GSN: variants seen among roughly 807,000 people sequenced by gnomAD.
GSN encodes the protein actin-depolymerizing factor.
GSN carries 56 observed loss-of-function variants against 85.7 expected under a neutral mutation model. The observed-to-expected ratio is 0.65, with a 90% confidence interval of 0.53 to 0.82. GSN has a LOEUF of 0.82. Ranked by LOEUF, GSN falls within the 40% of genes least tolerant of loss-of-function variation. The pLI, the probability that GSN is intolerant of heterozygous loss-of-function variation, is 0.00. For missense variants in GSN, 857 were observed against 979.8 expected, an observed-to-expected ratio of 0.87 and a Z score of 1.67; for synonymous variants, 373 against 399.1, an observed-to-expected ratio of 0.93 and a Z score of 0.78.
chr9:121,223,620 A>G (rs1371392258), intron 4 of GSN, among the ~76,000 whole-genome samples: 1 of 152,146 alleles, frequency 6.6e-6, no homozygotes, highest in African/African-American at 2.4e-5. Context: ...GTCACTTTTT[A>G]TAAGTATTAT....
intron 6 of GSN, among the ~76,000 whole-genome samples, chr9:121,255,629 T>C (rs1180891436): frequency 6.6e-6 from 1 of 152,242 alleles, no homozygotes; most frequent in Non-Finnish European, 1.5e-5. Context: ...TGCCCCCATT[T>C]TACTACATAA....
chr9:121,209,277 C>G (rs962631065), intron 1 of GSN: 1 of 152,198 alleles, frequency 6.6e-6, no homozygotes, highest in Admixed American at 6.5e-5. Context: ...CTCAAATGTA[C>G]AATCCTTCAT....
Position 121,312,435 on chromosome 9 carries a change from C to T in GSN, c.610C>T (p.Arg204Trp), listed in dbSNP as rs763444610. Residue 204 changes from arginine to tryptophan, a missense_variant, in exon 6 of 18, where the codon CGG becomes TGG. Coordinates refer to ENST00000432226, the MANE Select transcript of GSN (RefSeq NM_198252.3). ...KGIRDNERSG[R>W]ARVHVSEEGT... Reference sequence around the variant, plus strand: ...CATCCGGGACAACGAGCGGAGTGGCCGGGCCCGAGTGCACGTGTCTGAGGA... The same window carrying T: ...CATCCGGGACAACGAGCGGAGTGGCTGGGCCCGAGTGCACGTGTCTGAGGA... 3.7e-5 allele frequency: 59 copies of T among 1,613,916 alleles called. 1 individual carries two copies. In the East Asian group the frequency reaches 4.5e-4, roughly 12 times the overall value.
chr9:121,320,660 A>G (rs1309920772), intron 10 of GSN, among the ~76,000 whole-genome samples: 1 of 151,968 alleles, frequency 6.6e-6, no homozygotes, highest in Non-Finnish European at 1.5e-5. Context: ...AACAAAAAAA[A>G]AAAAAAGAAA....
chr9:121,298,243 A>C (rs1424132902), intron 2 of GSN, among the ~76,000 whole-genome samples: 1 of 152,082 alleles, frequency 6.6e-6, no homozygotes, highest in Non-Finnish European at 1.5e-5. Flanking sequence ...GGATATGGTT[A>C]TGTTTGCCTG....
intron 12 of GSN, among the ~76,000 whole-genome samples, chr9:121,325,806 G>C (rs548315355): frequency 1.7e-3 from 260 of 152,204 alleles, no homozygotes; most frequent in Non-Finnish European, 2.8e-3. Flanking sequence ...ATCCTTGGCT[G>C]CATTTTTCAG....
chr9:121,302,760 A>G lies in GSN; in HGVS notation c.197-151A>G. On this transcript the variant is annotated intron_variant, in intron 3 of 17. Coordinates refer to ENST00000432226, the MANE Select transcript of GSN (RefSeq NM_198252.3). The stretch of plus-strand genomic sequence containing the variant: ...TGAGGTCCATCGTCCTGTTATACAG[A>G]TGGATTAACTGAGGCTCACAGAAGG... The G allele has an allele frequency of 4.0e-6, 3 of 748,708 alleles. 1 individual carries two copies. The highest frequency in any genetic ancestry group is 2.9e-5 in the South Asian group (2 of 68,016). The allele number at this position is 748,708 out of a possible 1,614,324, so 46.4% of individuals were successfully genotyped here.
At chr9:121,230,677 C>T (rs1023827872) in intron 4 of GSN, among the ~76,000 whole-genome samples, 5 of 152,074 alleles carry the variant, frequency 3.3e-5, no homozygotes, top group Non-Finnish European at 5.9e-5. Flanking sequence ...ATCATACCCA[C>T]CTCATAGTTA....
At chr9:121,269,990 G>A (rs1757836838) in intron 1 of GSN, among the ~76,000 whole-genome samples, 3 of 152,198 alleles carry the variant, frequency 2.0e-5, no homozygotes, top group Admixed American at 2.0e-4. Context: ...CATCTATACT[G>A]TTTGACACTT....
At chr9:121,300,294 T>C (rs1303951740) in intron 2 of GSN, among the ~76,000 whole-genome samples, 1 of 152,052 alleles carries the variant, frequency 6.6e-6, no homozygotes, top group Admixed American at 6.6e-5. Context: ...CTTTTCCTTC[T>C]CTGATTTTTT....
intron 2 of GSN, chr9:121,286,216 G>A (rs775712668): frequency 2.4e-4 from 346 of 1,431,622 alleles, no homozygotes; most frequent in Non-Finnish European, 3.1e-4. Flanking sequence ...GGTGGTCCCC[G>A]AAGCCAGCTC....
chr9:121,232,639 G>A (rs2054415094), intron 5 of GSN, among the ~76,000 whole-genome samples: 1 of 152,248 alleles, frequency 6.6e-6, no homozygotes, highest in African/African-American at 2.4e-5. Context: ...GACTATAGAT[G>A]TAATATTGTA....
At position 121,332,652 on chromosome 9, in the gene GSN, T is replaced by C; in HGVS notation, c.*49T>C. 2.0e-6 allele frequency: 3 copies of C among 1,492,828 alleles called. No individual in the cohort carries two copies. The highest frequency in any genetic ancestry group is 2.8e-6 in the Non-Finnish European group (3 of 1,078,878). The allele number at this position is 1,492,828 out of a possible 1,614,324, so 92.5% of individuals were successfully genotyped here. On this transcript the variant is annotated 3_prime_UTR_variant, in exon 18 of 18. Transcript: ENST00000432226. The surrounding 1 kb of genome is among the most constrained non-coding windows in gnomAD (Gnocchi z 4.8). ...CACCGGTCAGTGCCTTTTGGAACTG[T>C]CCTTCCCTCAAAGAGGCCTTAGAGC...
the GSN span, among the ~76,000 whole-genome samples, chr9:121,202,070 G>A: frequency 2.6e-5 from 4 of 152,178 alleles, no homozygotes; most frequent in Admixed American, 6.5e-5. Context: ...GCTCGCGCCC[G>A]GAGGGAAGGT....
rs1455722894 is a variant in GSN at position 121,261,921 on chromosome 9, T to C, written c.-340-3233T>C. On this transcript the variant is annotated intron_variant, in intron 6 of 24. Transcript: ENST00000373823. The surrounding 1 kb of genome is among the most constrained non-coding windows in gnomAD (Gnocchi z 4.1). ...AGGTTGAGTAACTCAGGGTGTCCTG[T>C]CCTTCAAGGCCTCTGAGTACAAAAA... Among the ~76,000 whole-genome samples the C allele has an allele frequency of 6.6e-6, 1 of 152,216 alleles. No individual in the cohort carries two copies. The highest frequency in any genetic ancestry group is 6.5e-5 in the Admixed American group (1 of 15,284).
chr9:121,270,689 G>A (rs2055810026), intron 1 of GSN, among the ~76,000 whole-genome samples: 1 of 152,154 alleles, frequency 6.6e-6, no homozygotes, highest in South Asian at 2.1e-4. Context: ...TAACAATGGT[G>A]TGTGCACTCC....
rs746183140 is a variant in GSN at position 121,313,978 on chromosome 9, C to T, written c.708C>T (p.Thr236=). The part of the protein sequence containing the change: ...KPALPAGTED[T]AKEDAANRKL... ...CTCTGCCTGCAGGTACCGAGGACAC[C>T]GCCAAGGAGGATGCGGCCAACCGCA... The change falls in exon 7 of 18, where the codon ACC becomes ACT. Residue 236 remains threonine (T), a synonymous_variant. Transcript: ENST00000432226. The T allele has an allele frequency of 1.4e-5, 22 of 1,614,050 alleles. No individual in the cohort carries two copies. The South Asian group carries it at 1.6e-4, about 12-fold the overall frequency.
chr9:121,297,317 C>T (rs542148690), intron 2 of GSN, among the ~76,000 whole-genome samples: 11 of 152,260 alleles, frequency 7.2e-5, no homozygotes, highest in African/African-American at 2.6e-4. Context: ...GTGATTCACA[C>T]ACTAAGTATA....
chr9:121,317,288 G>A, intron 8 of GSN, 70 bp downstream of exon 8: 1 of 1,530,638 alleles, frequency 6.5e-7, no homozygotes. Context: ...CAGCTCCCAG[G>A]AACTCAGCTC....
Sources: allele counts gnomAD v4.1 joint callset (sites outside exome capture counted in the v4.1 genomes callset), GRCh38; gene constraint gnomAD v4.1.1; non-coding constraint Gnocchi (gnomAD v3.1); transcripts MANE v1.5; gene names NCBI Gene and HGNC (gene_info 2026-07-23, HGNC 2026-07-21).